KCND2: variants seen among roughly 807,000 people sequenced by gnomAD.
KCND2 encodes A-type voltage-gated potassium channel KCND2.
KCND2 carries 16 observed loss-of-function variants against 54.4 expected under a neutral mutation model. The observed-to-expected ratio is 0.29, with a 90% confidence interval of 0.20 to 0.45. KCND2 has a LOEUF of 0.45. Among genes scored for constraint, KCND2 ranks in the 20% least tolerant of loss-of-function variants. KCND2 has a pLI of 1.00. For synonymous variants in KCND2, 317 were observed against 310.7 expected, an observed-to-expected ratio of 1.02 and a Z score of -0.21; for missense variants, 486 against 824.2, an observed-to-expected ratio of 0.59 and a Z score of 5.02.
chr7:120,281,721 C>A (rs985013421), intron 1 of KCND2, among the ~76,000 whole-genome samples: 1 of 152,062 alleles, frequency 6.6e-6, no homozygotes, highest in African/African-American at 2.4e-5. Context: ...TTACCTAGTT[C>A]GGTGCTCAAA....
intron 1 of KCND2, among the ~76,000 whole-genome samples, chr7:120,578,211 C>T (rs1226478199): frequency 6.6e-6 from 1 of 152,060 alleles, no homozygotes; most frequent in East Asian, 1.9e-4. Context: ...TCAATTGAGC[C>T]TGGGAGGTCA....
At chr7:120,554,660 G>A (rs1280428598) in intron 1 of KCND2, among the ~76,000 whole-genome samples, 1 of 151,960 alleles carries the variant, frequency 6.6e-6, no homozygotes, top group Non-Finnish European at 1.5e-5. Flanking sequence ...CGCCCGCCTC[G>A]GCCTCCCAAA....
At chr7:120,502,203 T>A (rs559770640) in intron 1 of KCND2, among the ~76,000 whole-genome samples, 7 of 152,194 alleles carry the variant, frequency 4.6e-5, no homozygotes, top group South Asian at 4.2e-4. Context: ...TGATTTATTT[T>A]TTTTTTCCTT....
intron 1 of KCND2, among the ~76,000 whole-genome samples, chr7:120,572,740 A>G (rs1283221857): frequency 1.3e-5 from 2 of 152,094 alleles, no homozygotes; most frequent in African/African-American, 4.8e-5. Flanking sequence ...CTGGTCTTTA[A>G]CTCCTGTCCT....
At chr7:120,616,815 C>T (rs73721433) in intron 1 of KCND2, among the ~76,000 whole-genome samples, 3,104 of 152,154 alleles carry the variant, frequency 0.02, 99 homozygotes, top group African/African-American at 0.07. Context: ...AATTCAGCAT[C>T]CTTCAGACCT....
chr7:120,400,578 ATAAAGTAAATAATTATTTAATCAAT>A (rs569588288), intron 1 of KCND2, among the ~76,000 whole-genome samples: 2,077 of 152,274 alleles, frequency 0.014, 47 homozygotes, highest in African/African-American at 0.044. Context: ...AAATCAATTA[ATAAAGTAAATAATTATTTAATCAAT>A]TAAAGTAAAT....
At position 120,705,050 on chromosome 7, in the gene KCND2, G is replaced by T. The variant is rs577126796; in HGVS notation, c.1116-27853G>T. On this transcript the variant is annotated intron_variant, in intron 1 of 5. Transcript: ENST00000331113. ...AATGTTCTCTTTTGGAATAAAAAAT[G>T]AGTTATTAGATGTGAGTTTACCAGA... is the stretch of plus-strand genomic sequence containing the variant. Among the ~76,000 whole-genome samples, 41 of 152,246 alleles carry T rather than the reference G, an allele frequency of 2.7e-4. 1 individual carries two copies. In the South Asian group the frequency reaches 8.1e-3, roughly 30 times the overall value.
chr7:120,662,644 TA>T (rs1379009590), intron 1 of KCND2, among the ~76,000 whole-genome samples: 1 of 152,206 alleles, frequency 6.6e-6, no homozygotes, highest in Non-Finnish European at 1.5e-5. Context: ...GGTTCCTAAA[TA>T]AAGATGAAAT....
At chr7:120,589,229 C>T (rs2116455458) in intron 1 of KCND2, among the ~76,000 whole-genome samples, 1 of 152,134 alleles carries the variant, frequency 6.6e-6, no homozygotes, top group African/African-American at 2.4e-5. Flanking sequence ...TATAAGTACA[C>T]CAGAATAAAT....
chr7:120,589,501 A>C (rs1792643700), intron 1 of KCND2, among the ~76,000 whole-genome samples: 1 of 152,088 alleles, frequency 6.6e-6, no homozygotes, highest in Admixed American at 6.5e-5. Context: ...GGAGACAGAC[A>C]GAGTCGCTAT....
intron 1 of KCND2, among the ~76,000 whole-genome samples, chr7:120,365,022 T>G (rs1800646507): frequency 1.3e-5 from 2 of 151,970 alleles, no homozygotes; most frequent in African/African-American, 2.4e-5. Flanking sequence ...AAATTGATAT[T>G]GTAGACAGGT....
At chr7:120,281,635 T>G (rs1297061254) in intron 1 of KCND2, among the ~76,000 whole-genome samples, 1 of 152,174 alleles carries the variant, frequency 6.6e-6, no homozygotes, top group Non-Finnish European at 1.5e-5. Flanking sequence ...TATATATAAT[T>G]TATGGTTTTA....
At chr7:120,416,527 A>T (rs1016907539) in intron 1 of KCND2, among the ~76,000 whole-genome samples, 1 of 152,206 alleles carries the variant, frequency 6.6e-6, no homozygotes, top group African/African-American at 2.4e-5. Context: ...GTGTGTATTG[A>T]TCCAATGATA....
chr7:120,621,747 C>T (rs1239718379), intron 1 of KCND2, among the ~76,000 whole-genome samples: 2 of 152,092 alleles, frequency 1.3e-5, no homozygotes, highest in East Asian at 1.9e-4. Context: ...TTCTGAGGCT[C>T]AGTAACAAGA....
chr7:120,503,610 C>T (rs975299229), intron 1 of KCND2, among the ~76,000 whole-genome samples: 3 of 151,854 alleles, frequency 2.0e-5, no homozygotes, highest in African/African-American at 4.8e-5. Flanking sequence ...CCTTTGCCTT[C>T]GTTATTTATT....
chr7:120,609,673 G>A (rs1348563027), intron 1 of KCND2, among the ~76,000 whole-genome samples: 3 of 152,120 alleles, frequency 2.0e-5, no homozygotes, highest in South Asian at 4.1e-4. Flanking sequence ...CAGCCTATCT[G>A]TTTTTTGTTT....
At chr7:120,747,620 G>C in intron 5 of KCND2, 61 bp from the exon 6 acceptor site, 2 of 1,184,806 alleles carry the variant, frequency 1.7e-6, no homozygotes, top group Non-Finnish European at 2.5e-6. Flanking sequence ...ATATTCTTCA[G>C]TTGTATGAAA....
chr7:120,400,904 T>G (rs1287150647), intron 1 of KCND2, among the ~76,000 whole-genome samples: 3 of 151,664 alleles, frequency 2.0e-5, no homozygotes. Context: ...GGCAATTAAG[T>G]GTTAATTGAT....
intron 1 of KCND2, among the ~76,000 whole-genome samples, chr7:120,601,357 C>A (rs1179378153): frequency 6.6e-6 from 1 of 152,092 alleles, no homozygotes; most frequent in South Asian, 2.1e-4. Flanking sequence ...AGCCAATGAA[C>A]AATTCTTTAT....
Sources: gnomAD v4.1 joint callset for allele counts (sites outside exome capture counted in the v4.1 genomes callset) on GRCh38, gnomAD v4.1.1 for gene constraint, MANE v1.5 for transcripts, NCBI Gene and HGNC (gene_info 2026-07-23, HGNC 2026-07-21) for gene names.